The following TRMT11 variants were observed in gnomAD, a reference collection of about 807,000 sequenced individuals.
The protein encoded by TRMT11 is tRNA (guanine(10)-N(2))-methyltransferase TRMT11.
A neutral mutation model predicts 62.8 loss-of-function variants in TRMT11; 53 were observed. The ratio of observed to expected loss-of-function variants is 0.84; its 90% CI spans 0.68 to 1.06. The LOEUF (loss-of-function observed/expected upper bound fraction) is 1.06, where lower values mean the gene tolerates loss of function less well. Among genes scored for constraint, TRMT11 ranks in the 50% least tolerant of loss-of-function variants. The probability of loss-of-function intolerance (pLI) is 0.00; values close to 1 mark genes in which losing one functional copy is unlikely to be tolerated. For synonymous variants in TRMT11, 188 were observed against 190.3 expected, an observed-to-expected ratio of 0.99 and a Z score of 0.10; for missense variants, 556 against 553.4, an observed-to-expected ratio of 1.00 and a Z score of -0.05.
At chr6:126,193,578 C>T (rs1017875717) in intron 1 of TRMT11, among the ~76,000 whole-genome samples, 1 of 144,502 alleles carries the variant, frequency 6.9e-6, no homozygotes, top group Non-Finnish European at 1.5e-5. Context: ...CTGCAAGCTT[C>T]GCCTCCCAGG....
intron 21 of TRMT11, among the ~76,000 whole-genome samples, chr6:126,117,345 G>C (rs1274929529): frequency 6.6e-6 from 1 of 151,990 alleles, no homozygotes; most frequent in Non-Finnish European, 1.5e-5. Flanking sequence ...AGTTCAAATA[G>C]TCTCATCTGC....
At chr6:126,040,196 A>C (rs1409236678), downstream of TRMT11, among the ~76,000 whole-genome samples, 1 of 152,122 alleles carries the variant, frequency 6.6e-6, no homozygotes, top group East Asian at 1.9e-4. Context: ...GTGGTCACAA[A>C]GATTAGTCCA....
At chr6:126,184,628 C>T (rs1360840114) in intron 1 of TRMT11, among the ~76,000 whole-genome samples, 2 of 152,046 alleles carry the variant, frequency 1.3e-5, no homozygotes, top group Admixed American at 1.3e-4. Context: ...TTTCTCTCCC[C>T]CTGTATCTTT....
the TRMT11 span, among the ~76,000 whole-genome samples, chr6:126,221,320 C>T: frequency 6.6e-6 from 1 of 152,136 alleles, no homozygotes; most frequent in Non-Finnish European, 1.5e-5. Context: ...GTTTTAAGTT[C>T]TTTGTGAAAT....
At chr6:126,122,207 C>T (rs1040798080) in intron 21 of TRMT11, among the ~76,000 whole-genome samples, 2 of 152,114 alleles carry the variant, frequency 1.3e-5, no homozygotes, top group Non-Finnish European at 2.9e-5. Context: ...CCCATTAAAC[C>T]TCTTTCCTTT....
chr6:126,265,127 T>C, the TRMT11 span, among the ~76,000 whole-genome samples: 4 of 152,172 alleles, frequency 2.6e-5, no homozygotes, highest in African/African-American at 4.8e-5. Context: ...TGCACACCTG[T>C]ATACGTGTTA....
intron 17 of TRMT11, among the ~76,000 whole-genome samples, chr6:126,067,036 T>C (rs544547538): frequency 6.6e-6 from 1 of 152,148 alleles, no homozygotes; most frequent in East Asian, 1.9e-4. Flanking sequence ...GAGACCAGCC[T>C]GACCAACATG....
chr6:126,181,205 C>T (rs957903168), intron 1 of TRMT11, among the ~76,000 whole-genome samples: 2 of 152,078 alleles, frequency 1.3e-5, no homozygotes, highest in Non-Finnish European at 2.9e-5. Flanking sequence ...GTTTTCACTC[C>T]CAATTATTGC....
At chr6:126,223,287 G>C in the TRMT11 span, among the ~76,000 whole-genome samples, 14 of 152,112 alleles carry the variant, frequency 9.2e-5, no homozygotes, top group African/African-American at 3.1e-4. Context: ...TGGGCATGGT[G>C]GTGGGCGCCT....
chr6:126,223,891 A>G, the TRMT11 span, among the ~76,000 whole-genome samples: 75 of 152,260 alleles, frequency 4.9e-4, no homozygotes, highest in African/African-American at 1.6e-3. Context: ...CAAAGAATCT[A>G]TCTTTGAGAT....
chr6:126,163,264 G>C (rs141104038), intron 21 of TRMT11, among the ~76,000 whole-genome samples: 1 of 151,998 alleles, frequency 6.6e-6, no homozygotes, highest in Non-Finnish European at 1.5e-5. Context: ...AGTTTTTAGC[G>C]TGAAGGGGTG....
At chr6:126,004,912 C>A (rs959708613) in intron 7 of TRMT11, among the ~76,000 whole-genome samples, 1 of 152,018 alleles carries the variant, frequency 6.6e-6, no homozygotes, top group African/African-American at 2.4e-5. Flanking sequence ...TTTAGAATGA[C>A]ATTATGAGCG....
At chr6:126,020,638 TA>T (rs1795683355) in intron 11 of TRMT11, among the ~76,000 whole-genome samples, 1 of 152,278 alleles carries the variant, frequency 6.6e-6, no homozygotes, top group South Asian at 2.1e-4. Flanking sequence ...CAAATAACTT[TA>T]GTTCTGTATT....
At chr6:126,128,146 A>T (rs149654387) in intron 21 of TRMT11, among the ~76,000 whole-genome samples, 64 of 152,258 alleles carry the variant, frequency 4.2e-4, no homozygotes, top group African/African-American at 1.4e-3. Flanking sequence ...AACAAGTGCC[A>T]CTACACATTG....
Position 126,021,150 on chromosome 6 carries a change from C to G in TRMT11, c.1140-10C>G, listed in dbSNP as rs763114078. ...TGAGTGTTCCTAACAGTCAGCTGTT[C>G]TTTCTTCAGATACACTGAAGAGATG... On this transcript the variant is annotated splice_polypyrimidine_tract_variant and intron_variant, in intron 11 of 12. Coordinates refer to ENST00000334379, the MANE Select transcript of TRMT11 (RefSeq NM_001031712.3). 1.2e-6 allele frequency: 2 copies of G among 1,613,942 alleles called. No homozygotes were observed. Among genetic ancestry groups the G allele is most frequent in the Non-Finnish European group, 1.7e-6 (2 of 1,179,854 alleles).
chr6:126,191,641 T>A (rs1355102722), intron 1 of TRMT11, among the ~76,000 whole-genome samples: 1 of 152,010 alleles, frequency 6.6e-6, no homozygotes, highest in Non-Finnish European at 1.5e-5. Context: ...AAGATGGGTA[T>A]TTAGTTCCTT....
chr6:126,258,111 C>G, the TRMT11 span: 1 of 935,398 alleles, frequency 1.1e-6, no homozygotes, highest in South Asian at 1.3e-5. Context: ...CTTTTCCTGG[C>G]AGTCGGGGAG....
intron 18 of TRMT11, among the ~76,000 whole-genome samples, chr6:126,114,232 A>T (rs982187001): frequency 1.3e-5 from 2 of 152,046 alleles, no homozygotes; most frequent in Admixed American, 6.6e-5. Flanking sequence ...AGCTGATAAC[A>T]GTTTGAAAGT....
chr6:126,044,274 G>C (rs182183517), downstream of TRMT11, among the ~76,000 whole-genome samples: 2 of 152,238 alleles, frequency 1.3e-5, no homozygotes, highest in Admixed American at 1.3e-4. Flanking sequence ...TCTCCGTATG[G>C]CTAGCCAGTT....
Sources: allele counts gnomAD v4.1 joint callset (sites outside exome capture counted in the v4.1 genomes callset), GRCh38; gene constraint gnomAD v4.1.1; transcripts MANE v1.5; gene names NCBI Gene and HGNC (gene_info 2026-07-23, HGNC 2026-07-21).